METRNL: variants seen among roughly 807,000 people sequenced by gnomAD.
METRNL encodes the protein meteorin-like protein.
A neutral mutation model predicts 17.4 loss-of-function variants in METRNL; 9 were observed. The observed-to-expected ratio is 0.52, with a 90% CI of 0.31 to 0.90. METRNL has a LOEUF of 0.90. Ranked by LOEUF, METRNL falls within the 40% of genes least tolerant of loss-of-function variation. The pLI is 0.05. For missense variants in METRNL, 408 were observed against 430.7 expected (o/e 0.95, Z 0.47); for synonymous variants, 215 against 199.3 (o/e 1.08, Z -0.66).
rs147413978 is a variant in METRNL, at chr17:83,087,417, C to T, written c.556+2094C>T. ...ACCCACGCCTGGCATCTCACGGGAACGGGCACAGATGCAGGCCCCTCCCTG... is the reference window on the plus strand; with the variant it reads ...ACCCACGCCTGGCATCTCACGGGAATGGGCACAGATGCAGGCCCCTCCCTG... On this transcript the variant is annotated intron_variant, in intron 2 of 3. Coordinates refer to ENST00000320095, the MANE Select transcript of METRNL (RefSeq NM_001004431.3). Among the ~76,000 whole-genome samples, 7 of 152,244 alleles carry T rather than the reference C, an allele frequency of 4.6e-5. No individual in the cohort carries two copies. The East Asian group carries it at 9.7e-4, about 21-fold the overall frequency.
At position 83,085,172 on chromosome 17, in the gene METRNL, C is replaced by T. The variant is rs548178948; in HGVS notation, c.405C>T (p.Asp135=). ...TGAGACTGCTGGTACCAGACGGGGACGGCAGGCCCGGCCGGGTGCAGTGTT... is the reference window on the plus strand; with the variant it reads ...TGAGACTGCTGGTACCAGACGGGGATGGCAGGCCCGGCCGGGTGCAGTGTT... ...GELRLLVPDG[D]GRPGRVQCFG... The change falls in exon 2 of 4, where the codon GAC becomes GAT. Residue 135 remains aspartate (D), a synonymous_variant. Coordinates refer to ENST00000320095, the MANE Select transcript of METRNL (RefSeq NM_001004431.3). 101 of 1,612,054 alleles carry T rather than the reference C, an allele frequency of 6.3e-5. No individual in the cohort carries two copies. The highest frequency in any genetic ancestry group is 5.5e-4 in the South Asian group (50 of 91,004).
chr17:83,082,795 G>A lies in METRNL; in HGVS notation c.171-2143G>A, dbSNP rs1418711763. ...CCATGAGTCTCGGACTTCGTGCCGA[G>A]GTCTGCTGGGTCCCAGGCTGAAGGA... is the stretch of plus-strand genomic sequence containing the variant. On this transcript the variant is annotated intron_variant, in intron 1 of 3. Transcript: ENST00000320095. Among the ~76,000 whole-genome samples the A allele has an allele frequency of 2.0e-5, 3 of 152,224 alleles. No homozygotes were observed. In the East Asian group the frequency reaches 5.8e-4, roughly 29 times the overall value.
intron 1 of METRNL, among the ~76,000 whole-genome samples, chr17:83,080,800 C>T (rs1275746794): frequency 2.0e-5 from 3 of 150,094 alleles, no homozygotes; most frequent in Admixed American, 2.0e-4. Context: ...TGACGCGCGC[C>T]TCCCGGAGAG....
chr17:83,080,220 G>C (rs1380226307), intron 1 of METRNL: 1 of 156,934 alleles, frequency 6.4e-6, no homozygotes, highest in South Asian at 2.0e-4. Context: ...CGCGCCTGCA[G>C]CGCGGCCGGG....
intron 1 of METRNL, among the ~76,000 whole-genome samples, chr17:83,080,570 C>CCG (rs1555728864): frequency 7.6e-6 from 1 of 131,560 alleles, no homozygotes; most frequent in Non-Finnish European, 1.7e-5. Context: ...GGGCGACCCC[C>CCG]CCCCCCCCCA....
At chr17:83,087,116 G>A (rs1324832053) in intron 2 of METRNL, among the ~76,000 whole-genome samples, 5 of 152,184 alleles carry the variant, frequency 3.3e-5, no homozygotes, top group African/African-American at 4.8e-5. Flanking sequence ...CCCTCCGTGT[G>A]CCTCCTGGGC....
chr17:83,080,565 ACCCCC>A (rs1161469227), intron 1 of METRNL, among the ~76,000 whole-genome samples: 1 of 21,992 alleles, frequency 4.5e-5, no homozygotes, highest in African/African-American at 2.0e-4. Flanking sequence ...GCGCTGGGCG[ACCCCC>A]CCCCCCCCCA....
chr17:83,080,505 C>T (rs912342558), intron 1 of METRNL, among the ~76,000 whole-genome samples: 1 of 148,122 alleles, frequency 6.8e-6, no homozygotes, highest in African/African-American at 2.5e-5. Flanking sequence ...GGCCGGGCCC[C>T]CCGCCCCTGC....
At chr17:83,085,865 G>A (rs1011889432) in intron 2 of METRNL, among the ~76,000 whole-genome samples, 2 of 152,228 alleles carry the variant, frequency 1.3e-5, no homozygotes, top group East Asian at 1.9e-4. Context: ...ACCCTGAAAC[G>A]TCCATTTTTG....
chr17:83,083,279 C>G (rs73360462), intron 1 of METRNL, among the ~76,000 whole-genome samples: 3 of 152,212 alleles, frequency 2.0e-5, no homozygotes, highest in African/African-American at 7.2e-5. Context: ...GACCAGAGCC[C>G]GCTCCCTCGA....
intron 1 of METRNL, among the ~76,000 whole-genome samples, chr17:83,083,632 C>G (rs78392666): frequency 0.079 from 11,979 of 152,092 alleles, 1,603 homozygotes; most frequent in African/African-American, 0.28. Flanking sequence ...GGGGCCTTGT[C>G]GGGGTGGGGA....
chr17:83,089,909 G>A (rs562772041), intron 2 of METRNL, among the ~76,000 whole-genome samples: 64 of 152,132 alleles, frequency 4.2e-4, no homozygotes, highest in African/African-American at 1.3e-3. Context: ...GGCACTGACC[G>A]TCCCCGGCCC....
chr17:83,089,812 A>G (rs554201113), intron 2 of METRNL, among the ~76,000 whole-genome samples: 51 of 152,074 alleles, frequency 3.4e-4, no homozygotes, highest in Non-Finnish European at 6.3e-4. Context: ...AAAGCTCAGA[A>G]TCAGAACAGG....
chr17:83,094,737 A>G lies in METRNL; in HGVS notation c.*162A>G, dbSNP rs2038183891. 1 of 458,294 alleles carries G rather than the reference A, an allele frequency of 2.2e-6. No individual in the cohort carries two copies. The highest frequency in any genetic ancestry group is 4.4e-5 in the Admixed American group (1 of 22,810). 28.4% of individuals were successfully genotyped at this position (458,294 alleles called of 1,614,324 possible). A position where few individuals can be genotyped will look rare whatever the true frequency, so the allele number is the denominator to read the frequency against. ...GCTGTGGACGTTCTCGCCACACTCA[A>G]CCCCATGAGCTTCCAGCCAAGGATG... On this transcript the variant is annotated 3_prime_UTR_variant, in exon 4 of 4. Transcript: ENST00000320095.
At position 83,085,054 on chromosome 17, in the gene METRNL, A is replaced by G. The variant is rs1275550354; in HGVS notation, c.287A>G (p.Asn96Ser). 1 of 1,613,876 alleles carries G rather than the reference A, an allele frequency of 6.2e-7. No homozygotes were observed. The highest frequency in any genetic ancestry group is 1.1e-5 in the South Asian group (1 of 91,078). The change falls in exon 2 of 4, where the codon AAC becomes AGC. Residue 96 changes from asparagine (N) to serine (S), a missense_variant. Transcript: ENST00000320095. ...TGALIVNLRP[N>S]TFSPARHLTV... ...GCTCTCATCGTTAACCTGCGGCCCA[A>G]CACCTTCTCGCCTGCCCGGCACCTG...
At chr17:83,090,795 T>C (rs1048629619) in intron 2 of METRNL, among the ~76,000 whole-genome samples, 9 of 151,802 alleles carry the variant, frequency 5.9e-5, no homozygotes, top group African/African-American at 2.2e-4. Flanking sequence ...GTCTCACCTG[T>C]GGAGGATAAA....
At chr17:83,080,572 C>T (rs1410007385) in intron 1 of METRNL, among the ~76,000 whole-genome samples, 1 of 132,010 alleles carries the variant, frequency 7.6e-6, no homozygotes, top group Non-Finnish European at 1.7e-5. Context: ...GCGACCCCCC[C>T]CCCCCCCACC....
At chr17:83,080,223 C>A in intron 1 of METRNL, 1 of 156,206 alleles carries the variant, frequency 6.4e-6, no homozygotes, top group Non-Finnish European at 1.4e-5. Flanking sequence ...GCCTGCAGCG[C>A]GGCCGGGTGG....
rs2143662556 is a variant in METRNL, at chr17:83,094,541, G to A, written c.902G>A (p.Arg301Lys). Residue 301 changes from arginine to lysine, a missense_variant, in exon 4 of 4, where the codon AGG becomes AAG. Coordinates refer to ENST00000320095, the MANE Select transcript of METRNL (RefSeq NM_001004431.3). The stretch of plus-strand genomic sequence containing the variant: ...AGGATGTACAGGGATGCCCAGGAGA[G>A]GGGGCTGAACCCTTGTGAGGTTGGC... Reference protein sequence around the residue: ...FQRMYRDAQERGLNPCEVGTD With the variant: ...FQRMYRDAQEKGLNPCEVGTD 3 of 1,519,690 alleles carry A rather than the reference G, an allele frequency of 2.0e-6. No homozygotes were observed. The East Asian group carries it at 7.0e-5, about 36-fold the overall frequency. 94.1% of individuals were successfully genotyped at this position (1,519,690 alleles called of 1,614,324 possible).
Sources: gnomAD v4.1 joint callset for allele counts (sites outside exome capture counted in the v4.1 genomes callset) on GRCh38, gnomAD v4.1.1 for gene constraint, MANE v1.5 for transcripts, NCBI Gene and HGNC (gene_info 2026-07-23, HGNC 2026-07-21) for gene names.